The following FABP7 variants were observed in gnomAD, a reference collection of about 807,000 sequenced individuals.
The protein encoded by FABP7 is fatty acid binding protein 7, also known as fatty acid-binding protein, brain.
FABP7 carries 13 observed loss-of-function variants against 14.2 expected under a neutral mutation model. The observed-to-expected ratio is 0.91, with a 90% CI of 0.59 to 1.45. The LOEUF (loss-of-function observed/expected upper bound fraction) is 1.45, where lower values mean the gene tolerates loss of function less well. FABP7 is among the 40% of genes most tolerant of loss of function. The probability of loss-of-function intolerance (pLI) is 0.00; values close to 1 mark genes in which losing one functional copy is unlikely to be tolerated. For missense variants in FABP7, 149 were observed against 157.6 expected (o/e 0.95, Z 0.29); for synonymous variants, 49 against 51.4 (o/e 0.95, Z 0.20).
chr6:122,779,639 G>A, upstream of FABP7: 1 of 659,284 alleles, frequency 1.5e-6, no homozygotes, highest in East Asian at 2.7e-5. Flanking sequence ...CACTGGAGGG[G>A]TGTGTTTGCA....
At chr6:122,770,098 A>G in the FABP7 span, among the ~76,000 whole-genome samples, 1 of 152,098 alleles carries the variant, frequency 6.6e-6, no homozygotes, top group African/African-American at 2.4e-5. Flanking sequence ...AAATATTTAC[A>G]TGAGAATTAT....
At chr6:122,774,359 CAAAAAAAAAAAA>C in the FABP7 span, among the ~76,000 whole-genome samples, 287 of 66,646 alleles carry the variant, frequency 4.3e-3, 5 homozygotes, top group South Asian at 0.023. Context: ...TAGACTCTGT[CAAAAAAAAAAAA>C]AAAAAAAAAA....
the FABP7 span, among the ~76,000 whole-genome samples, chr6:122,753,501 C>T: frequency 6.6e-6 from 1 of 152,152 alleles, no homozygotes; most frequent in Non-Finnish European, 1.5e-5. Context: ...TCTCGCCCAT[C>T]TGTCACCTCA....
Position 122,779,878 on chromosome 6 carries a change from A to G in FABP7, c.73+11A>G, listed in dbSNP as rs1582518434. Reference sequence around the variant, plus strand: ...ACATGAAGGCTCTAGGTAGGTAACAATAAGACCGGCTGTTCTCTTCTCAAC... The same window carrying G: ...ACATGAAGGCTCTAGGTAGGTAACAGTAAGACCGGCTGTTCTCTTCTCAAC... On this transcript the variant is annotated intron_variant, in intron 1 of 3. Transcript: ENST00000368444. The G allele has an allele frequency of 1.2e-6, 2 of 1,612,892 alleles. No individual in the cohort carries two copies.
At chr6:122,774,005 G>A in the FABP7 span, among the ~76,000 whole-genome samples, 11 of 151,992 alleles carry the variant, frequency 7.2e-5, no homozygotes, top group African/African-American at 2.2e-4. Context: ...TCCCTTATGA[G>A]ACTGTAGATG....
chr6:122,770,970 C>T, the FABP7 span, among the ~76,000 whole-genome samples: 1 of 152,170 alleles, frequency 6.6e-6, no homozygotes, highest in African/African-American at 2.4e-5. Context: ...GTGCAATATA[C>T]TTGTGTAAGA....
upstream of FABP7, chr6:122,779,672 C>T: frequency 2.4e-6 from 2 of 842,238 alleles, no homozygotes; most frequent in Admixed American, 2.4e-5. Context: ...GGATTTTTGC[C>T]CACCCTCTTT....
At chr6:122,763,069 C>A in the FABP7 span, among the ~76,000 whole-genome samples, 1 of 152,156 alleles carries the variant, frequency 6.6e-6, no homozygotes, top group East Asian at 1.9e-4. Context: ...AAAAAAGAGA[C>A]CACATTGCCA....
chr6:122,782,084 C>A lies in FABP7; in HGVS notation c.348+890C>A, dbSNP rs117294756. 6,583 of 985,292 alleles carry A rather than the reference C, an allele frequency of 6.7e-3. 26 individuals are homozygous for A. Among genetic ancestry groups the A allele is most frequent in the Non-Finnish European group, 7.2e-3 (6,009 of 829,822 alleles). 61.0% of individuals were successfully genotyped at this position (985,292 alleles called of 1,614,324 possible). A position where few individuals can be genotyped will look rare whatever the true frequency, so the allele number is the denominator to read the frequency against. ...AGAACCATTTTGATGTTACTTCTTT[C>A]CAGTTTTTTTCTCGAATGCATAATA... is the stretch of plus-strand genomic sequence containing the variant. On this transcript the variant is annotated intron_variant, in intron 3 of 3. Coordinates refer to ENST00000368444, the MANE Select transcript of FABP7 (RefSeq NM_001446.5).
At chr6:122,780,557 G>A (rs1780759519) in intron 2 of FABP7, 94 bp downstream of exon 2, 1 of 1,311,930 alleles carries the variant, frequency 7.6e-7, no homozygotes, top group African/African-American at 1.5e-5. Context: ...GTTGGAAAGT[G>A]TAGAATATTT....
intron 3 of FABP7, 93 bp from the exon 4 acceptor site, chr6:122,783,624 G>A (rs1780848534): frequency 6.7e-7 from 1 of 1,485,394 alleles, no homozygotes. Context: ...TCATTCTTTT[G>A]CATAATACTT....
chr6:122,782,986 T>A lies in FABP7; in HGVS notation c.349-731T>A, dbSNP rs187234786. 129 of 985,462 alleles carry A rather than the reference T, an allele frequency of 1.3e-4. No individual in the cohort carries two copies. In the African/African-American group the frequency reaches 2.2e-3, roughly 17 times the overall value. The allele number at this position is 985,462 out of a possible 1,614,324, so 61.0% of individuals were successfully genotyped here. A position where few individuals can be genotyped will look rare whatever the true frequency, so the allele number is the denominator to read the frequency against. On this transcript the variant is annotated intron_variant, in intron 3 of 3. Coordinates refer to ENST00000368444, the MANE Select transcript of FABP7 (RefSeq NM_001446.5). ...ATAGCTCAACCGTGGCATGCATGAC[T>A]ATGATCAGGCAAGATTGAGTTCAAA...
chr6:122,762,522 T>C, the FABP7 span, among the ~76,000 whole-genome samples: 1 of 152,154 alleles, frequency 6.6e-6, no homozygotes, highest in Non-Finnish European at 1.5e-5. Context: ...TTCAACATCG[T>C]GTTGGAAGTT....
At chr6:122,782,000 C>T (rs1780801300) in intron 3 of FABP7, 12 of 918,832 alleles carry the variant, frequency 1.3e-5, no homozygotes, top group Non-Finnish European at 1.6e-5. Flanking sequence ...CCGCCTGCTG[C>T]CTCGGCCTCC....
chr6:122,750,133 T>G, the FABP7 span, among the ~76,000 whole-genome samples: 1 of 152,178 alleles, frequency 6.6e-6, no homozygotes, highest in South Asian at 2.1e-4. Context: ...TTTTAAATTT[T>G]TATGTTTTAT....
chr6:122,780,001 A>G (rs1327963310), intron 1 of FABP7, 134 bp downstream of exon 1: 1 of 888,450 alleles, frequency 1.1e-6, no homozygotes, highest in African/African-American at 1.7e-5. Context: ...TAGGCTATGC[A>G]TTTTCCACTG....
the FABP7 span, among the ~76,000 whole-genome samples, chr6:122,754,931 C>A: frequency 6.6e-6 from 1 of 152,104 alleles, no homozygotes; most frequent in South Asian, 2.1e-4. Flanking sequence ...ACTCACCAAC[C>A]TTTCTACTGG....
the FABP7 span, among the ~76,000 whole-genome samples, chr6:122,766,297 A>G: frequency 1.3e-5 from 2 of 152,098 alleles, no homozygotes; most frequent in African/African-American, 4.8e-5. Flanking sequence ...TGTAGGTACT[A>G]CACTTCTTAG....
intron 2 of FABP7, 45 bp from the exon 3 acceptor site, chr6:122,781,048 G>T: frequency 6.4e-7 from 1 of 1,558,226 alleles, no homozygotes; most frequent in South Asian, 1.2e-5. Flanking sequence ...TCAGAAATCT[G>T]AATTGTATTT....
Sources: allele counts gnomAD v4.1 joint callset (sites outside exome capture counted in the v4.1 genomes callset), GRCh38; gene constraint gnomAD v4.1.1; transcripts MANE v1.5; gene names NCBI Gene and HGNC (gene_info 2026-07-23, HGNC 2026-07-21).